Variants in DHRSX observed in about 807,000 individuals in gnomAD.
DHRSX encodes the protein polyprenol dehydrogenase.
In DHRSX, 31 loss-of-function variants were observed where a neutral mutation model predicts 34.0. That is an observed-to-expected ratio of 0.91 (90% confidence interval 0.69 to 1.23). The LOEUF is 1.23. Among genes scored for constraint, DHRSX ranks in the 50% most tolerant of loss-of-function variants. DHRSX has a pLI of 0.00. For synonymous variants in DHRSX, 201 were observed against 183.8 expected, an observed-to-expected ratio of 1.09 and a Z score of -0.76; for missense variants, 414 against 428.1, an observed-to-expected ratio of 0.97 and a Z score of 0.29.
chrX:2,282,812 AAGAGAG>A (rs201921499), intron 4 of DHRSX, among the ~76,000 whole-genome samples: 6 of 83,112 alleles, frequency 7.2e-5, no homozygotes, highest in African/African-American at 1.4e-4. Context: ...AGAAGAGAGA[AAGAGAG>A]AGAGGGAGAG....
intron 3 of DHRSX, among the ~76,000 whole-genome samples, chrX:2,330,200 G>A (rs2042447523): frequency 1.4e-5 from 2 of 147,686 alleles, no homozygotes; most frequent in South Asian, 2.2e-4. Context: ...AGGAGGAGGG[G>A]GAAGAGGAGG....
chrX:2,229,685 G>T (rs1388035735), intron 6 of DHRSX, among the ~76,000 whole-genome samples: 1 of 152,066 alleles, frequency 6.6e-6, no homozygotes, highest in Non-Finnish European at 1.5e-5. Flanking sequence ...GTATGTGCAC[G>T]TGCATGAATG....
At chrX:2,250,173 A>AG (rs1320638334) in intron 5 of DHRSX, among the ~76,000 whole-genome samples, 1 of 151,318 alleles carries the variant, frequency 6.6e-6, no homozygotes, top group Admixed American at 6.6e-5. Flanking sequence ...AAAAAAAAAA[A>AG]AAAAAAAATT....
chrX:2,292,181 G>A (rs2041874529), intron 3 of DHRSX, among the ~76,000 whole-genome samples: 1 of 152,132 alleles, frequency 6.6e-6, no homozygotes, highest in East Asian at 1.9e-4. Context: ...ACCTTGATGT[G>A]AGCTGATGTT....
chrX:2,356,772 T>A (rs1376340241), intron 3 of DHRSX, among the ~76,000 whole-genome samples: 1 of 152,186 alleles, frequency 6.6e-6, no homozygotes, highest in African/African-American at 2.4e-5. Flanking sequence ...AAATGTAGTT[T>A]CTCTTTCTCA....
chrX:2,380,428 G>C (rs1313285982), intron 3 of DHRSX, among the ~76,000 whole-genome samples: 1 of 151,168 alleles, frequency 6.6e-6, no homozygotes, highest in Admixed American at 6.6e-5. Context: ...GCAGGATGTT[G>C]AAGGAATACA....
At chrX:2,309,212 G>A (rs2042135707) in intron 3 of DHRSX, among the ~76,000 whole-genome samples, 3 of 152,148 alleles carry the variant, frequency 2.0e-5, no homozygotes, top group South Asian at 2.1e-4. Flanking sequence ...AGTGCAGAGG[G>A]TATTTTAGAA....
chrX:2,255,301 C>T (rs980154803), intron 5 of DHRSX, among the ~76,000 whole-genome samples: 4 of 152,146 alleles, frequency 2.6e-5, no homozygotes, highest in African/African-American at 9.7e-5. Context: ...TACTTTCGCT[C>T]ATAGACACAT....
chrX:2,242,273 C>T (rs1225574038), intron 6 of DHRSX, among the ~76,000 whole-genome samples: 1 of 152,126 alleles, frequency 6.6e-6, no homozygotes, highest in East Asian at 1.9e-4. Context: ...CCCAAACGGT[C>T]TCCAGCTCCT....
intron 3 of DHRSX, among the ~76,000 whole-genome samples, chrX:2,303,020 T>C (rs2042031705): frequency 6.6e-6 from 1 of 152,148 alleles, no homozygotes; most frequent in Non-Finnish European, 1.5e-5. Context: ...ACAAAAACAC[T>C]TGTGGGGATG....
chrX:2,494,917 G>A (rs1324227534), intron 1 of DHRSX, among the ~76,000 whole-genome samples: 1 of 151,508 alleles, frequency 6.6e-6, no homozygotes, highest in Non-Finnish European at 1.5e-5. Flanking sequence ...ATTCTTATTT[G>A]GCTGAAAGAG....
At chrX:2,260,417 T>C (rs2124453372) in intron 5 of DHRSX, among the ~76,000 whole-genome samples, 1 of 151,912 alleles carries the variant, frequency 6.6e-6, no homozygotes, top group East Asian at 1.9e-4. Flanking sequence ...TCCATCTCCA[T>C]GTGGCCTTCT....
chrX:2,331,397 G>A lies in DHRSX; in HGVS notation c.287-39794C>T, dbSNP rs367951341. On this transcript the variant is annotated intron_variant, in intron 3 of 6. Coordinates refer to ENST00000334651, the MANE Select transcript of DHRSX (RefSeq NM_145177.3). ...GCCATGAATCACCAAGGTTCTAAAT[G>A]GCATTCAGAATGAGGAATCCTTTCA... Among the ~76,000 whole-genome samples, 4 of 147,364 alleles carry A rather than the reference G, an allele frequency of 2.7e-5. No individual in the cohort carries two copies. The East Asian group carries it at 7.9e-4, about 29-fold the overall frequency.
intron 3 of DHRSX, among the ~76,000 whole-genome samples, chrX:2,335,856 A>G (rs967720381): frequency 6.6e-5 from 10 of 151,930 alleles, no homozygotes; most frequent in Admixed American, 6.6e-5. Context: ...TTTTCCTTTC[A>G]AACCTTCTTA....
chrX:2,487,368 CT>C (rs1387758671), intron 1 of DHRSX: 2 of 151,886 alleles, frequency 1.3e-5, no homozygotes, highest in East Asian at 3.9e-4. Context: ...GAGCCACCCA[CT>C]TTTGTTTTGT....
chrX:2,282,581 A>AGAGAGAGAAGAAAGGGGG (rs2041722366), intron 4 of DHRSX, among the ~76,000 whole-genome samples: 1 of 100,040 alleles, frequency 1.0e-5, no homozygotes, highest in South Asian at 4.1e-4. Context: ...ACAGAAAGGG[A>AGAGAGAGAAGAAAGGGGG]GAGAGAGAAG....
intron 3 of DHRSX, among the ~76,000 whole-genome samples, chrX:2,371,087 CTT>C (rs1335886939): frequency 1.3e-5 from 2 of 151,580 alleles, no homozygotes; most frequent in East Asian, 1.9e-4. Context: ...CCCTCCTCCT[CTT>C]GTTACAATAG....
chrX:2,425,452 C>T (rs1305437766), intron 1 of DHRSX, 148 bp from the exon 2 acceptor site: 1 of 717,590 alleles, frequency 1.4e-6, no homozygotes, highest in Non-Finnish European at 2.4e-6. Flanking sequence ...CCCACAGGCT[C>T]AGGAGGCATG....
intron 3 of DHRSX, among the ~76,000 whole-genome samples, chrX:2,325,851 T>TC (rs1556473888): frequency 2.0e-5 from 3 of 151,654 alleles, no homozygotes; most frequent in African/African-American, 4.8e-5. Flanking sequence ...ACCATTTCTC[T>TC]TTCTCTTCTC....
Sources: allele counts gnomAD v4.1 joint callset (sites outside exome capture counted in the v4.1 genomes callset), GRCh38; gene constraint gnomAD v4.1.1; transcripts MANE v1.5; gene names NCBI Gene and HGNC (gene_info 2026-07-23, HGNC 2026-07-21).